LRRC41: variants seen among roughly 807,000 people sequenced by gnomAD.
The protein encoded by LRRC41 is leucine-rich repeat-containing protein 41.
In LRRC41, 17 loss-of-function variants were observed where a neutral mutation model predicts 72.1. That is an observed-to-expected ratio of 0.24 (90% confidence interval 0.16 to 0.35). The LOEUF (loss-of-function observed/expected upper bound fraction) is 0.35, where lower values mean the gene tolerates loss of function less well. LRRC41 is among the 10% of genes least tolerant of loss of function. The probability of loss-of-function intolerance (pLI) is 1.00; values close to 1 mark genes in which losing one functional copy is unlikely to be tolerated. For missense variants in LRRC41, 759 were observed against 1,065.0 expected (o/e 0.71, Z 4.00); for synonymous variants, 427 against 431.0 (o/e 0.99, Z 0.11).
Position 46,279,533 on chromosome 1 carries a change from T to A in LRRC41, c.2102A>T (p.Asn701Ile). 3.1e-6 allele frequency: 5 copies of A among 1,614,002 alleles called. No homozygotes were observed. Among genetic ancestry groups the A allele is most frequent in the Non-Finnish European group, 4.2e-6 (5 of 1,179,986 alleles). The change falls in exon 8 of 10, where the codon AAC becomes ATC. Residue 701 changes from asparagine to isoleucine, a missense_variant. Asn to Ile is a moderately radical substitution (Grantham distance 149). This residue lies in a region of LRRC41 where 110 missense variants were observed against 227.0 expected (regional missense o/e 0.48). Coordinates refer to ENST00000617190, the MANE Select transcript of LRRC41 (RefSeq NM_006369.5). This position sits in a 1 kb window ranked among gnomAD's most constrained non-coding sequence, Gnocchi z 4.5. ...LPEMVAAMKG[N>I]STLKGLRLPG... Reference sequence around the variant, plus strand: ...CAGCCGGAGGCCCTTCAGTGTGGAGTTGCCCTTCATAGCAGCAACCATCTC... The same window carrying A: ...CAGCCGGAGGCCCTTCAGTGTGGAGATGCCCTTCATAGCAGCAACCATCTC...
Position 46,278,754 on chromosome 1 carries a change from A to T in LRRC41, c.*111T>A. ...AAGGGAAGAAGGAAAAAAGAGAAAA[A>T]AGGTGACAGAAAGAGAAAGATAGAA... On this transcript the variant is annotated 3_prime_UTR_variant, in exon 10 of 10. Coordinates refer to ENST00000617190, the MANE Select transcript of LRRC41 (RefSeq NM_006369.5). 9.1e-7 allele frequency: 1 copy of T among 1,098,312 alleles called. No homozygotes were observed. The highest frequency in any genetic ancestry group is 1.3e-6 in the Non-Finnish European group (1 of 754,902). 68.0% of individuals were successfully genotyped at this position (1,098,312 alleles called of 1,614,324 possible). A position where few individuals can be genotyped will look rare whatever the true frequency, so the allele number is the denominator to read the frequency against.
At position 46,279,992 on chromosome 1, in the gene LRRC41, A is replaced by C. The variant is rs544745449; in HGVS notation, c.2020+200T>G. ...GGTAAGAGCAACTTTTGGGTGAAGC[A>C]CTCTAAAAGAGCGATTTCTCATGTT... On this transcript the variant is annotated intron_variant, in intron 7 of 9. Transcript: ENST00000617190. This position sits in a 1 kb window ranked among gnomAD's most constrained non-coding sequence, Gnocchi z 4.5. 6.6e-6 allele frequency among the ~76,000 whole-genome samples: 1 copy of C among 152,096 alleles called. No homozygotes were observed. Among genetic ancestry groups the C allele is most frequent in the Non-Finnish European group, 1.5e-5 (1 of 68,020 alleles).
chr1:46,285,451 G>A lies in LRRC41; in HGVS notation c.1406C>T (p.Thr469Ile), dbSNP rs770011997. ...GGCTGCCTCTGTGGAGAGTGGAACT[G>A]TGAATAGCTCCAAGGTGGAGATGCT... is the stretch of plus-strand genomic sequence containing the variant. ...FRSISTLELF[T>I]VPLSTEAALT... Residue 469 changes from threonine to isoleucine, a missense_variant, in exon 4 of 10, where the codon ACA becomes ATA. Physicochemically the swap from Thr to Ile is moderately conservative, Grantham distance 89. Transcript: ENST00000617190. This position sits in a 1 kb window ranked among gnomAD's most constrained non-coding sequence, Gnocchi z 5.3. The A allele has an allele frequency of 1.2e-6, 2 of 1,614,168 alleles. No homozygotes were observed. The highest frequency in any genetic ancestry group is 1.1e-5 in the South Asian group (1 of 91,084).
At chr1:46,287,078 C>T (rs1272204099) in intron 3 of LRRC41, among the ~76,000 whole-genome samples, 1 of 151,972 alleles carries the variant, frequency 6.6e-6, no homozygotes, top group Non-Finnish European at 1.5e-5. Context: ...GCTAGGATTA[C>T]AGGTGTGAGT....
rs1661243039 is a variant in LRRC41 at position 46,302,042 on chromosome 1, G to T, written c.199+1082C>A. The T allele has an allele frequency of 3.0e-6, 3 of 985,324 alleles. No individual in the cohort carries two copies. Among genetic ancestry groups the T allele is most frequent in the Non-Finnish European group, 3.6e-6 (3 of 829,878 alleles). The allele number at this position is 985,324 out of a possible 1,614,324, so 61.0% of individuals were successfully genotyped here. On this transcript the variant is annotated intron_variant, in intron 1 of 9. Transcript: ENST00000617190. The surrounding 1 kb of genome is among the most constrained non-coding windows in gnomAD (Gnocchi z 4.7). ...TTTCCCTCGTCAGCGGCCAGGCCGC[G>T]GCCAGCGGTCCCCAACCCACAGCCC...
At chr1:46,301,360 C>T (rs1411533573) in intron 1 of LRRC41, among the ~76,000 whole-genome samples, 1 of 152,140 alleles carries the variant, frequency 6.6e-6, no homozygotes, top group African/African-American at 2.4e-5. Flanking sequence ...ACCCTCTCTG[C>T]CTTCTTCCCC....
chr1:46,297,619 C>T lies in LRRC41; in HGVS notation c.301G>A (p.Ala101Thr), dbSNP rs1296708995. 6.2e-7 allele frequency: 1 copy of T among 1,614,066 alleles called. No individual in the cohort carries two copies. Among genetic ancestry groups the T allele is most frequent in the East Asian group, 2.2e-5 (1 of 44,884 alleles). Residue 101 changes from alanine to threonine, a missense_variant, in exon 3 of 10, where the codon GCC becomes ACC. Transcript: ENST00000617190. ...TALKKGLSTQ[A>T]IWRRLWDELM... ...TCATCCCAGAGTCGGCGCCAGATGG[C>T]CTGAGTTGAGAGGCCTGTAAGGAGA...
At chr1:46,293,161 C>T (rs772928681) in intron 3 of LRRC41, among the ~76,000 whole-genome samples, 3 of 149,532 alleles carry the variant, frequency 2.0e-5, no homozygotes, top group African/African-American at 4.9e-5. Context: ...TCCAGCCTGG[C>T]GACAGAGCGA....
chr1:46,299,902 T>C (rs1661191176), intron 1 of LRRC41: 1 of 151,828 alleles, frequency 6.6e-6, no homozygotes, highest in Non-Finnish European at 1.5e-5. Context: ...TAAAATAAAA[T>C]AAAATGGAGA....
Position 46,303,355 on chromosome 1 carries a change from C to T in LRRC41, c.-33G>A. ...AGGTGCGCGAGCCCGAGAGTGTCGC[C>T]CGCGGACCGCCATCTTGAAAAGGTC... On this transcript the variant is annotated 5_prime_UTR_variant, in exon 1 of 10. Coordinates refer to ENST00000617190, the MANE Select transcript of LRRC41 (RefSeq NM_006369.5). 1.6e-5 allele frequency: 23 copies of T among 1,470,182 alleles called. No homozygotes were observed. The highest frequency in any genetic ancestry group is 2.0e-5 in the Non-Finnish European group (22 of 1,112,582). 91.1% of individuals were successfully genotyped at this position (1,470,182 alleles called of 1,614,324 possible).
At position 46,303,544 on chromosome 1, in the gene LRRC41, TA is replaced by T; in HGVS notation, c.-223del. 3.9e-6 allele frequency: 3 copies of T among 767,906 alleles called. No homozygotes were observed. Among genetic ancestry groups the T allele is most frequent in the Non-Finnish European group, 6.2e-6 (3 of 487,226 alleles). 47.6% of individuals were successfully genotyped at this position (767,906 alleles called of 1,614,324 possible). ...GTGGTATGACTAAGGGGATGTTTCT[TA>T]GCAAAGCCTCCTCGGGTGCAAACAT... is the stretch of plus-strand genomic sequence containing the variant. On this transcript the variant is annotated 5_prime_UTR_variant, in exon 1 of 10. An upstream open reading frame in the 5' UTR gains an earlier in-frame stop. Transcript: ENST00000617190.
Position 46,280,435 on chromosome 1 carries a change from A to G in LRRC41, c.1882T>C (p.Ser628Pro). The G allele has an allele frequency of 6.2e-7, 1 of 1,614,138 alleles. No individual in the cohort carries two copies. The part of the protein sequence containing the change: ...QLSLDSATFA[S>P]PQDFGLVLQT... ...AAAACAAGCCCAAAATCCTGGGGAG[A>G]GGCAAAGGTGGCACTATCCAGGGAC... is the stretch of plus-strand genomic sequence containing the variant. Residue 628 changes from serine (S) to proline (P), a missense_variant, in exon 6 of 10, where the codon TCT (serine) becomes CCT (proline). Physicochemically the swap from Ser to Pro is moderately conservative, Grantham distance 74. Coordinates refer to ENST00000617190, the MANE Select transcript of LRRC41 (RefSeq NM_006369.5).
chr1:46,303,249 G>T lies in LRRC41; in HGVS notation c.74C>A (p.Ala25Asp). 6.4e-7 allele frequency: 1 copy of T among 1,550,872 alleles called. No individual in the cohort carries two copies. The highest frequency in any genetic ancestry group is 1.4e-5 in the African/African-American group (1 of 73,080). ...CEVAAATTME[A>D]TSREAAPAKS... is the part of the protein sequence containing the mutation. Reference sequence around the variant, plus strand: ...CGCTGGCGCCGCCTCCCGGGACGTGGCCTCCATGGTCGTTGCCGCCGCTAC... The same window carrying T: ...CGCTGGCGCCGCCTCCCGGGACGTGTCCTCCATGGTCGTTGCCGCCGCTAC... The change falls in exon 1 of 10, where the codon GCC becomes GAC. Residue 25 changes from alanine to aspartate, a missense_variant. Coordinates refer to ENST00000617190, the MANE Select transcript of LRRC41 (RefSeq NM_006369.5).
Position 46,289,425 on chromosome 1 carries a change from C to T in LRRC41, c.358-2926G>A, listed in dbSNP as rs1000720514. ...GGCTTCTTTCTCACAAATTAACGTA[C>T]GAGCAGACAAGAGATCATGAAGTTT... On this transcript the variant is annotated intron_variant, in intron 3 of 9. Coordinates refer to ENST00000617190, the MANE Select transcript of LRRC41 (RefSeq NM_006369.5). Among the ~76,000 whole-genome samples, 23 of 151,728 alleles carry T rather than the reference C, an allele frequency of 1.5e-4. 1 individual carries two copies. The highest frequency in any genetic ancestry group is 2.6e-4 in the Admixed American group (4 of 15,246).
At chr1:46,288,976 T>C (rs528435305) in intron 3 of LRRC41, among the ~76,000 whole-genome samples, 1 of 152,352 alleles carries the variant, frequency 6.6e-6, no homozygotes, top group East Asian at 1.9e-4. Flanking sequence ...AGGCTTCAGC[T>C]TTATAAGTGA....
intron 3 of LRRC41, among the ~76,000 whole-genome samples, chr1:46,288,402 T>A (rs1660927712): frequency 6.6e-6 from 1 of 152,194 alleles, no homozygotes; most frequent in Non-Finnish European, 1.5e-5. Flanking sequence ...CAAAATGAAG[T>A]AGTACAAATT....
chr1:46,287,339 ACCT>A (rs935545076), intron 3 of LRRC41, among the ~76,000 whole-genome samples: 4 of 148,722 alleles, frequency 2.7e-5, no homozygotes, highest in Non-Finnish European at 4.5e-5. Context: ...CGATCTCCTG[ACCT>A]CATGATCCGC....
In LRRC41 at chr1:46,285,895, C is replaced by A. The variant is rs377504274; in HGVS notation, c.962G>T (p.Arg321Leu). 3.2e-6 allele frequency: 5 copies of A among 1,552,424 alleles called. No individual in the cohort carries two copies. The highest frequency in any genetic ancestry group is 4.3e-6 in the Non-Finnish European group (5 of 1,152,104). ...KQMPRAAPAT[R>L]VTRRSTQESL... Reference sequence around the variant, plus strand: ...CTCCTGTGTGCTCCGGCGTGTTACCCGAGTGGCAGGTGCAGCTCTGGGCAT... The same window carrying A: ...CTCCTGTGTGCTCCGGCGTGTTACCAGAGTGGCAGGTGCAGCTCTGGGCAT... The change falls in exon 4 of 10, where the codon CGG (arginine) becomes CTG (leucine). Residue 321 changes from arginine to leucine, a missense_variant. Physicochemically the swap from Arg to Leu is moderately radical, Grantham distance 102. Around this residue, in one of 4 missense-constraint regions of LRRC41, gnomAD observed 427 missense variants for 520.9 expected, o/e 0.82. Coordinates refer to ENST00000617190, the MANE Select transcript of LRRC41 (RefSeq NM_006369.5). This position sits in a 1 kb window ranked among gnomAD's most constrained non-coding sequence, Gnocchi z 5.3.
intron 4 of LRRC41, among the ~76,000 whole-genome samples, chr1:46,282,223 G>A (rs1479353022): frequency 6.6e-6 from 1 of 152,198 alleles, no homozygotes; most frequent in Non-Finnish European, 1.5e-5. Context: ...GTTTAACCTA[G>A]ACGCAATAGG....
Sources: gnomAD v4.1 joint callset for allele counts (sites outside exome capture counted in the v4.1 genomes callset) on GRCh38, gnomAD v4.1.1 for gene constraint, gnomAD v4.1.1 regional missense constraint, Gnocchi (gnomAD v3.1) non-coding constraint, MANE v1.5 for transcripts, NCBI Gene and HGNC (gene_info 2026-07-23, HGNC 2026-07-21) for gene names.